Variants in DNAJC24 observed in about 807,000 individuals in gnomAD.
DNAJC24 encodes the protein dnaJ homolog subfamily C member 24.
Under a neutral mutation model 18.0 loss-of-function variants are expected in DNAJC24, and 17 were observed. The observed-to-expected ratio is 0.94, with a 90% CI of 0.65 to 1.42. The LOEUF (loss-of-function observed/expected upper bound fraction) is 1.42, where lower values mean the gene tolerates loss of function less well. Among genes scored for constraint, DNAJC24 ranks in the 40% most tolerant of loss-of-function variants. The probability of loss-of-function intolerance (pLI) is 0.00; values close to 1 mark genes in which losing one functional copy is unlikely to be tolerated. For missense variants in DNAJC24, 158 were observed against 175.6 expected, an observed-to-expected ratio of 0.90 and a Z score of 0.57; for synonymous variants, 55 against 57.7, an observed-to-expected ratio of 0.95 and a Z score of 0.21.
At chr11:31,371,733 A>T (rs904157579) in intron 2 of DNAJC24, among the ~76,000 whole-genome samples, 1 of 149,916 alleles carries the variant, frequency 6.7e-6, no homozygotes, top group Non-Finnish European at 1.5e-5. Context: ...AACATTGCAT[A>T]TGTAGCCGGC....
rs1184841333 is a variant in DNAJC24, at chr11:31,414,879, C to T, written c.180C>T (p.Ile60=). 4 of 1,613,916 alleles carry T rather than the reference C, an allele frequency of 2.5e-6. No homozygotes were observed. Among genetic ancestry groups the T allele is most frequent in the Middle Eastern group, 1.6e-4 (1 of 6,062 alleles). The change falls in exon 3 of 5, where the codon ATC becomes ATT. Residue 60 remains isoleucine (I), a synonymous_variant. Transcript: ENST00000465995. ...GTVEECVQKF[I]EIDQAWKILG... is the part of the protein sequence containing the mutation. ...TGGAGGAATGTGTACAGAAGTTCAT[C>T]GAAATTGATCAAGCATGGAAAATTC...
At chr11:31,388,356 C>T (rs1247823104) in intron 2 of DNAJC24, among the ~76,000 whole-genome samples, 1 of 152,052 alleles carries the variant, frequency 6.6e-6, no homozygotes, top group Admixed American at 6.6e-5. Context: ...AGAGAGGATC[C>T]TAAAAGCAGC....
intron 2 of DNAJC24, among the ~76,000 whole-genome samples, chr11:31,381,572 A>C (rs1161968734): frequency 2.6e-5 from 4 of 151,862 alleles, no homozygotes; most frequent in Non-Finnish European, 4.4e-5. Context: ...ATCTCAAAAA[A>C]AAATTTTTTT....
intron 2 of DNAJC24, 134 bp downstream of exon 2, chr11:31,370,993 T>C (rs1296027936): frequency 1.7e-6 from 1 of 592,784 alleles, no homozygotes; most frequent in African/African-American, 1.9e-5. Flanking sequence ...TAATTGAACA[T>C]TTCAGTAATA....
intron 3 of DNAJC24, among the ~76,000 whole-genome samples, chr11:31,424,304 T>C (rs1165537283): frequency 6.6e-6 from 1 of 152,162 alleles, no homozygotes; most frequent in Admixed American, 6.6e-5. Flanking sequence ...GGTGACTTTG[T>C]TAGAAATTTA....
Position 31,426,331 on chromosome 11 carries a change from C to G in DNAJC24, c.295C>G (p.Leu99Val), listed in dbSNP as rs766307254. 11 of 1,563,644 alleles carry G rather than the reference C, an allele frequency of 7.0e-6. No homozygotes were observed. The highest frequency in any genetic ancestry group is 9.5e-6 in the Non-Finnish European group (11 of 1,158,366). The part of the protein sequence containing the change: ...NVGPVDAQVY[L>V]EEMSWNEGDH... Reference sequence around the variant, plus strand: ...AGGACCAGTAGATGCTCAAGTATATCTTGAAGAAATGTCTTGGAATGAAGG... The same window carrying G: ...AGGACCAGTAGATGCTCAAGTATATGTTGAAGAAATGTCTTGGAATGAAGG... Residue 99 changes from leucine to valine, a missense_variant, in exon 4 of 5, where the codon CTT becomes GTT. Leu to Val is a conservative substitution (Grantham distance 32). Coordinates refer to ENST00000465995, the MANE Select transcript of DNAJC24 (RefSeq NM_181706.5).
At chr11:31,403,276 T>C (rs6484504) in intron 2 of DNAJC24, among the ~76,000 whole-genome samples, 119,185 of 151,990 alleles carry the variant, frequency 0.78, 47,658 homozygotes, top group African/African-American at 0.94. Context: ...TCAAGATTTG[T>C]AGTGAGAGAA....
intron 3 of DNAJC24, among the ~76,000 whole-genome samples, chr11:31,420,475 T>C (rs1188521582): frequency 6.6e-6 from 1 of 152,126 alleles, no homozygotes; most frequent in Non-Finnish European, 1.5e-5. Flanking sequence ...AGTTGCTGCC[T>C]TCCTACACTG....
chr11:31,422,802 A>C (rs1952819946), intron 3 of DNAJC24, among the ~76,000 whole-genome samples: 1 of 152,146 alleles, frequency 6.6e-6, no homozygotes, highest in Admixed American at 6.5e-5. Flanking sequence ...AAAAGAAAAA[A>C]AAACACATTG....
chr11:31,394,832 T>C (rs1467852603), intron 2 of DNAJC24, among the ~76,000 whole-genome samples: 2 of 152,048 alleles, frequency 1.3e-5, no homozygotes, highest in Non-Finnish European at 2.9e-5. Flanking sequence ...GAGGAATTGA[T>C]ATGAAGGTAA....
chr11:31,417,710 TCTAG>T (rs1403763745), intron 3 of DNAJC24, among the ~76,000 whole-genome samples: 1 of 152,086 alleles, frequency 6.6e-6, no homozygotes, highest in Non-Finnish European at 1.5e-5. Context: ...AATTGAGCTC[TCTAG>T]TACTTGGGAA....
At chr11:31,377,557 G>A (rs1471127730) in intron 2 of DNAJC24, among the ~76,000 whole-genome samples, 2 of 151,974 alleles carry the variant, frequency 1.3e-5, no homozygotes, top group African/African-American at 4.8e-5. Context: ...AATCAATTGT[G>A]AATTGATTTT....
intron 2 of DNAJC24, among the ~76,000 whole-genome samples, chr11:31,390,166 C>T (rs937040474): frequency 6.6e-5 from 10 of 152,022 alleles, no homozygotes; most frequent in Admixed American, 2.6e-4. Context: ...CAGGCCAATG[C>T]GGGTGGATCA....
intron 2 of DNAJC24, among the ~76,000 whole-genome samples, chr11:31,389,099 G>A (rs969879362): frequency 2.6e-5 from 4 of 151,600 alleles, no homozygotes; most frequent in Admixed American, 2.6e-4. Flanking sequence ...AAGGAAAGAA[G>A]AGAAAACCAC....
At chr11:31,371,349 G>T (rs540030914) in intron 2 of DNAJC24, among the ~76,000 whole-genome samples, 5 of 152,268 alleles carry the variant, frequency 3.3e-5, no homozygotes, top group South Asian at 4.1e-4. Context: ...TGTTGATTAT[G>T]TTGATTAAAG....
At chr11:31,416,361 T>TAA (rs1952751577) in intron 3 of DNAJC24, 9 of 152,328 alleles carry the variant, frequency 5.9e-5, no homozygotes, top group Admixed American at 5.9e-4. Context: ...TGTATCTTTT[T>TAA]AACCTTGGTT....
chr11:31,376,804 T>C lies in DNAJC24; in HGVS notation c.111+5945T>C, dbSNP rs186457304. ...TCATTTATGCACAGTTAATTAAGTA[T>C]TATGGAAGGTCAGACATAATTACTA... is the stretch of plus-strand genomic sequence containing the variant. On this transcript the variant is annotated intron_variant, in intron 2 of 4. Coordinates refer to ENST00000465995, the MANE Select transcript of DNAJC24 (RefSeq NM_181706.5). Among the ~76,000 whole-genome samples the C allele has an allele frequency of 7.9e-4, 121 of 152,294 alleles. No homozygotes were observed. The Middle Eastern group carries it at 0.017, about 21-fold the overall frequency.
intron 3 of DNAJC24, among the ~76,000 whole-genome samples, chr11:31,418,176 CA>C (rs1467569264): frequency 6.6e-6 from 1 of 152,072 alleles, no homozygotes; most frequent in Non-Finnish European, 1.5e-5. Flanking sequence ...AGGATGCCTC[CA>C]AAGGCTGCTT....
intron 2 of DNAJC24, among the ~76,000 whole-genome samples, chr11:31,413,228 A>G (rs994956743): frequency 6.6e-6 from 1 of 152,092 alleles, no homozygotes; most frequent in Non-Finnish European, 1.5e-5. Context: ...AGAGTAAGAA[A>G]TTAAAAAAAA....
Sources: allele counts gnomAD v4.1 joint callset (sites outside exome capture counted in the v4.1 genomes callset), GRCh38; gene constraint gnomAD v4.1.1; transcripts MANE v1.5; gene names NCBI Gene and HGNC (gene_info 2026-07-23, HGNC 2026-07-21).